TENM4: variants seen among roughly 807,000 people sequenced by gnomAD.
TENM4 encodes the protein teneurin-4.
In TENM4, 82 loss-of-function variants were observed where a neutral mutation model predicts 243.3. That is an observed-to-expected ratio of 0.34 (90% CI 0.28 to 0.40). The LOEUF (loss-of-function observed/expected upper bound fraction) is 0.40. Among genes scored for constraint, TENM4 ranks in the 10% least tolerant of loss-of-function variants. The pLI is 1.00. For missense variants in TENM4, 3,138 were observed against 3,673.3 expected (o/e 0.85, Z 3.77); for synonymous variants, 1,412 against 1,456.3 (o/e 0.97, Z 0.69).
chr11:79,359,404 T>C (rs559175880), intron 1 of TENM4, among the ~76,000 whole-genome samples: 1 of 152,300 alleles, frequency 6.6e-6, no homozygotes, highest in South Asian at 2.1e-4. Context: ...GGGGAAATCT[T>C]TTTTTGAGAT....
chr11:78,902,289 G>A lies in TENM4; in HGVS notation c.749+979C>T, dbSNP rs1220479253. ...CTTCATAGTTTTCTGCATTTTCTCC[G>A]GTGAGCTTGTATGGTTTTTAAAATC... On this transcript the variant is annotated intron_variant, in intron 7 of 33. Coordinates refer to ENST00000278550, the MANE Select transcript of TENM4 (RefSeq NM_001098816.3). 3.9e-5 allele frequency among the ~76,000 whole-genome samples: 6 copies of A among 152,242 alleles called. No homozygotes were observed. The East Asian group carries it at 5.8e-4, about 15-fold the overall frequency.
At chr11:78,875,268 G>A (rs1859240982) in intron 9 of TENM4, among the ~76,000 whole-genome samples, 1 of 151,802 alleles carries the variant, frequency 6.6e-6, no homozygotes, top group African/African-American at 2.4e-5. Context: ...TCACTCTGTT[G>A]CCCAGGCTCA....
chr11:79,347,762 CTTTTTTTTTTTTTTTTT>C (rs528675032), intron 1 of TENM4, among the ~76,000 whole-genome samples: 1 of 94,692 alleles, frequency 1.1e-5, no homozygotes, highest in Non-Finnish European at 2.0e-5. Flanking sequence ...CTATCCTCTC[CTTTTTTTTTTTTTTTTT>C]TTTTTTTTTT....
At chr11:78,925,842 C>T (rs1856540540) in intron 6 of TENM4, among the ~76,000 whole-genome samples, 1 of 151,150 alleles carries the variant, frequency 6.6e-6, no homozygotes, top group Non-Finnish European at 1.5e-5. Context: ...TAAAATTTCT[C>T]CAATAAGGCA....
chr11:78,880,164 G>A (rs934262763), intron 9 of TENM4, among the ~76,000 whole-genome samples: 3 of 152,078 alleles, frequency 2.0e-5, no homozygotes, highest in African/African-American at 4.8e-5. Flanking sequence ...CCCCAACCCC[G>A]TGCTCTCTGA....
rs184586587 is a variant in TENM4, at chr11:78,922,142, C to T, written c.494-18619G>A. 9.1e-4 allele frequency among the ~76,000 whole-genome samples: 138 copies of T among 152,274 alleles called. 1 individual carries two copies. Among genetic ancestry groups the T allele is most frequent in the African/African-American group, 3.2e-3 (131 of 41,564 alleles). On this transcript the variant is annotated intron_variant, in intron 6 of 33. Coordinates refer to ENST00000278550, the MANE Select transcript of TENM4 (RefSeq NM_001098816.3). ...CTATCAGATGTCCATGTGCAGCAGG[C>T]GCTCTGCAGAACATTTCTATTCAAG...
chr11:79,209,608 G>A (rs1208092398), intron 3 of TENM4, among the ~76,000 whole-genome samples: 3 of 152,214 alleles, frequency 2.0e-5, no homozygotes, highest in Non-Finnish European at 4.4e-5. Flanking sequence ...TGAGTGCTCT[G>A]AGTAGAGACT....
chr11:78,884,058 T>C (rs1295127394), intron 9 of TENM4, among the ~76,000 whole-genome samples: 1 of 152,252 alleles, frequency 6.6e-6, no homozygotes, highest in Non-Finnish European at 1.5e-5. Context: ...TTTTACTGAG[T>C]GCTCTGTGTC....
chr11:78,709,858 A>G (rs1328554542), intron 26 of TENM4, among the ~76,000 whole-genome samples: 1 of 152,252 alleles, frequency 6.6e-6, no homozygotes. Flanking sequence ...GGGTGCTTTA[A>G]TAGTGTACAT....
chr11:79,086,527 G>A (rs1860813759), intron 4 of TENM4, among the ~76,000 whole-genome samples: 1 of 152,160 alleles, frequency 6.6e-6, no homozygotes, highest in Non-Finnish European at 1.5e-5. Context: ...AGATCATTAA[G>A]GTATTTTAAA....
intron 4 of TENM4, among the ~76,000 whole-genome samples, chr11:79,075,684 TCAAGA>T (rs1860520673): frequency 6.6e-6 from 1 of 152,164 alleles, no homozygotes; most frequent in Non-Finnish European, 1.5e-5. Flanking sequence ...GAGGCTCCAA[TCAAGA>T]CGAAGAGCAT....
intron 2 of TENM4, among the ~76,000 whole-genome samples, chr11:79,230,913 A>G (rs1226924930): frequency 1.3e-5 from 2 of 152,164 alleles, no homozygotes; most frequent in African/African-American, 2.4e-5. Flanking sequence ...TGGCTGCCTA[A>G]CAAGAGCCCT....
chr11:78,790,127 T>A (rs1857022242), intron 15 of TENM4, among the ~76,000 whole-genome samples: 1 of 152,186 alleles, frequency 6.6e-6, no homozygotes, highest in African/African-American at 2.4e-5. Flanking sequence ...TAAGATATAA[T>A]CTCTGCCCCC....
At chr11:78,940,990 C>A (rs147171348) in intron 6 of TENM4, among the ~76,000 whole-genome samples, 5 of 152,316 alleles carry the variant, frequency 3.3e-5, no homozygotes, top group East Asian at 1.9e-4. Flanking sequence ...AAGAACCTGA[C>A]AAATTGCCTC....
At chr11:79,250,768 A>G (rs1257777511) in intron 2 of TENM4, among the ~76,000 whole-genome samples, 1 of 152,252 alleles carries the variant, frequency 6.6e-6, no homozygotes, top group African/African-American at 2.4e-5. Context: ...CACGGAAGGC[A>G]AATTTAGACA....
intron 9 of TENM4, among the ~76,000 whole-genome samples, chr11:78,866,194 AC>A (rs756930288): frequency 4.0e-5 from 6 of 151,692 alleles, no homozygotes; most frequent in Non-Finnish European, 7.4e-5. Flanking sequence ...TTACCTTCTT[AC>A]TTTATATATT....
intron 9 of TENM4, among the ~76,000 whole-genome samples, chr11:78,872,786 C>T (rs1167146254): frequency 1.3e-4 from 20 of 152,176 alleles, no homozygotes; most frequent in African/African-American, 4.3e-4. Flanking sequence ...TATAGAGCAA[C>T]CCTCCAGTCT....
intron 2 of TENM4, among the ~76,000 whole-genome samples, chr11:79,238,027 T>TG (rs946276412): frequency 6.6e-6 from 1 of 152,204 alleles, no homozygotes; most frequent in African/African-American, 2.4e-5. Flanking sequence ...CATCACATCT[T>TG]GCATTTCTCA....
rs1473292668 is a variant in TENM4 at position 78,903,379 on chromosome 11, G to A, written c.638C>T (p.Pro213Leu). Residue 213 changes from proline to leucine, a missense_variant, in exon 7 of 34, where the codon CCG becomes CTG. Pro to Leu is a moderately conservative substitution (Grantham distance 98). This residue lies in a region of TENM4 where 671 missense variants were observed against 614.1 expected (regional missense o/e 1.09). Coordinates refer to ENST00000278550, the MANE Select transcript of TENM4 (RefSeq NM_001098816.3). ...GNFTPRSNPS[P>L]APTDHSLSGE... ...GGAGAGCGAGTGGTCCGTGGGGGCC[G>A]GGCTGGGGTTGCTCCTCGGCGTGAA... 6.6e-7 allele frequency: 1 copy of A among 1,525,346 alleles called. No homozygotes were observed. Among genetic ancestry groups the A allele is most frequent in the Non-Finnish European group, 8.8e-7 (1 of 1,134,802 alleles). The allele number at this position is 1,525,346 out of a possible 1,614,324, so 94.5% of individuals were successfully genotyped here. A position where few individuals can be genotyped will look rare whatever the true frequency, so the allele number is the denominator to read the frequency against.
Sources: gnomAD v4.1 joint callset for allele counts (sites outside exome capture counted in the v4.1 genomes callset) on GRCh38, gnomAD v4.1.1 for gene constraint, gnomAD v4.1.1 regional missense constraint, MANE v1.5 for transcripts, NCBI Gene and HGNC (gene_info 2026-07-23, HGNC 2026-07-21) for gene names.